Variants in PPM1H observed in about 807,000 individuals in gnomAD.
PPM1H encodes the protein protein phosphatase 1H.
In PPM1H, 27 loss-of-function variants were observed where a neutral mutation model predicts 54.9. The ratio of observed to expected loss-of-function variants is 0.49; its 90% CI spans 0.36 to 0.68. PPM1H has a LOEUF of 0.68. PPM1H is among the 30% of genes least tolerant of loss of function. PPM1H has a pLI of 0.00. For synonymous variants in PPM1H, 305 were observed against 270.8 expected (o/e 1.13, Z -1.24); for missense variants, 596 against 667.8 (o/e 0.89, Z 1.19).
At chr12:62,670,034 A>G (rs527300698) in intron 8 of PPM1H, among the ~76,000 whole-genome samples, 24 of 120,122 alleles carry the variant, frequency 2.0e-4, no homozygotes, top group Admixed American at 4.5e-4. Flanking sequence ...CTGGAGTGCA[A>G]TGGCATGATC....
chr12:62,799,529 T>C (rs768276458), intron 3 of PPM1H, among the ~76,000 whole-genome samples: 29 of 152,224 alleles, frequency 1.9e-4, no homozygotes, highest in Non-Finnish European at 4.0e-4. Context: ...CTTGGCATTC[T>C]GAGTATTAGT....
chr12:62,686,415 G>A (rs766453797), intron 8 of PPM1H, among the ~76,000 whole-genome samples: 4 of 152,186 alleles, frequency 2.6e-5, no homozygotes, highest in South Asian at 2.1e-4. Context: ...GTAGAAAGGT[G>A]AAGGCAACAT....
chr12:62,917,461 C>T (rs1413895999), intron 1 of PPM1H, among the ~76,000 whole-genome samples: 2 of 152,262 alleles, frequency 1.3e-5, no homozygotes, highest in East Asian at 3.9e-4. Flanking sequence ...TAGATATCTA[C>T]ATACCTTACA....
At chr12:62,927,687 GA>G (rs1872016562) in intron 1 of PPM1H, among the ~76,000 whole-genome samples, 5 of 149,544 alleles carry the variant, frequency 3.3e-5, no homozygotes, top group African/African-American at 1.2e-4. Flanking sequence ...AAAAGAAAAA[GA>G]AAAAAGAAAA....
chr12:62,683,384 C>T (rs2076034096), intron 8 of PPM1H, among the ~76,000 whole-genome samples: 1 of 152,142 alleles, frequency 6.6e-6, no homozygotes, highest in Non-Finnish European at 1.5e-5. Flanking sequence ...AACTTGTCAA[C>T]ATAGGGATTT....
intron 1 of PPM1H, among the ~76,000 whole-genome samples, chr12:62,881,569 A>T (rs1281468809): frequency 6.6e-6 from 1 of 152,174 alleles, no homozygotes; most frequent in South Asian, 2.1e-4. Context: ...CCAGTTCTCA[A>T]TTGCATAAGC....
At chr12:62,831,698 T>C (rs574673974) in intron 2 of PPM1H, among the ~76,000 whole-genome samples, 7 of 105,994 alleles carry the variant, frequency 6.6e-5, no homozygotes, top group African/African-American at 3.0e-4. Flanking sequence ...CGTCAAACAT[T>C]GTGTGTGTAT....
chr12:62,930,790 T>C (rs992410708), intron 1 of PPM1H, among the ~76,000 whole-genome samples: 1 of 151,348 alleles, frequency 6.6e-6, no homozygotes. Context: ...ACTTAAAACT[T>C]GCTAATGCAT....
At chr12:62,818,821 C>CTTTTT (rs771501305) in intron 2 of PPM1H, among the ~76,000 whole-genome samples, 4 of 135,830 alleles carry the variant, frequency 2.9e-5, no homozygotes, top group Non-Finnish European at 6.4e-5. Context: ...TTTTCTTTTT[C>CTTTTT]TTTTTTTTTT....
chr12:62,920,919 A>T (rs1900740), intron 1 of PPM1H, among the ~76,000 whole-genome samples: 65,444 of 151,740 alleles, frequency 0.43, 14,300 homozygotes, highest in South Asian at 0.61. Flanking sequence ...GTAATTAATT[A>T]ATTTATTTAT....
intron 1 of PPM1H, among the ~76,000 whole-genome samples, chr12:62,833,002 G>T (rs1394382545): frequency 1.3e-5 from 2 of 152,112 alleles, no homozygotes; most frequent in African/African-American, 4.8e-5. Flanking sequence ...AGGAAAACAT[G>T]CTGCATCATT....
chr12:62,807,479 G>A (rs1232147628), intron 2 of PPM1H, among the ~76,000 whole-genome samples: 1 of 152,060 alleles, frequency 6.6e-6, no homozygotes, highest in African/African-American at 2.4e-5. Context: ...AAAGAGGAAA[G>A]AACAATGATT....
intron 6 of PPM1H, among the ~76,000 whole-genome samples, chr12:62,719,791 C>A (rs925323797): frequency 1.3e-5 from 2 of 152,174 alleles, no homozygotes; most frequent in Non-Finnish European, 2.9e-5. Flanking sequence ...GAATCAGAGT[C>A]AGGATTCAAA....
chr12:62,733,554 G>T (rs1262890060), intron 5 of PPM1H, among the ~76,000 whole-genome samples: 1 of 152,076 alleles, frequency 6.6e-6, no homozygotes, highest in Non-Finnish European at 1.5e-5. Flanking sequence ...ACCATGCCTG[G>T]CCGATACTAT....
At chr12:62,848,365 C>T (rs376859789) in intron 1 of PPM1H, among the ~76,000 whole-genome samples, 1 of 152,144 alleles carries the variant, frequency 6.6e-6, no homozygotes. Flanking sequence ...TAGATTCAGG[C>T]TTACCTGAAA....
At chr12:62,830,857 T>A (rs1238424117) in intron 2 of PPM1H, among the ~76,000 whole-genome samples, 2 of 152,198 alleles carry the variant, frequency 1.3e-5, no homozygotes, top group Non-Finnish European at 2.9e-5. Context: ...CTATTTCTTT[T>A]TCTTTTTCTC....
At chr12:62,723,447 A>G (rs2076273874) in intron 5 of PPM1H, among the ~76,000 whole-genome samples, 2 of 152,074 alleles carry the variant, frequency 1.3e-5, no homozygotes, top group African/African-American at 2.4e-5. Context: ...TGTGTTGGCA[A>G]TTTAACCCCT....
At chr12:62,895,630 C>A (rs113762439) in intron 1 of PPM1H, among the ~76,000 whole-genome samples, 1,534 of 152,272 alleles carry the variant, frequency 0.01, 26 homozygotes, top group African/African-American at 0.035. Flanking sequence ...AGATCCCTCA[C>A]AAATAGATTG....
intron 4 of PPM1H, among the ~76,000 whole-genome samples, chr12:62,767,838 G>T (rs1045847866): frequency 3.3e-5 from 5 of 152,098 alleles, no homozygotes; most frequent in Non-Finnish European, 7.3e-5. Flanking sequence ...GGAAATCCTT[G>T]GTGTTCCTTG....
Sources: gnomAD v4.1 joint callset for allele counts (sites outside exome capture counted in the v4.1 genomes callset) on GRCh38, gnomAD v4.1.1 for gene constraint, MANE v1.5 for transcripts, NCBI Gene and HGNC (gene_info 2026-07-23, HGNC 2026-07-21) for gene names.